ENTREP2: variants seen among roughly 807,000 people sequenced by gnomAD.
ENTREP2 encodes protein ENTREP2.
the ENTREP2 span, among the ~76,000 whole-genome samples, chr15:29,312,783 T>C: frequency 1.3e-5 from 2 of 152,130 alleles, no homozygotes; most frequent in Non-Finnish European, 2.9e-5. Context: ...TTAATAACTC[T>C]ACAATGGTCT....
the ENTREP2 span, among the ~76,000 whole-genome samples, chr15:29,425,719 G>A: frequency 2.2e-4 from 33 of 151,712 alleles, no homozygotes; most frequent in African/African-American, 8.0e-4. Context: ...TAATGATTTG[G>A]AAATTATATA....
the ENTREP2 span, among the ~76,000 whole-genome samples, chr15:29,425,192 G>GTT: frequency 1.4e-4 from 13 of 91,284 alleles, no homozygotes; most frequent in Admixed American, 5.8e-4. Flanking sequence ...CCACGTCCAG[G>GTT]TTTTTTGTTT....
the ENTREP2 span, among the ~76,000 whole-genome samples, chr15:29,581,958 T>C: frequency 6.6e-6 from 1 of 151,762 alleles, no homozygotes; most frequent in African/African-American, 2.4e-5. Context: ...TTTTTTTTTT[T>C]TTAGATAGAG....
chr15:29,377,823 A>AATAATAATAAT, the ENTREP2 span, among the ~76,000 whole-genome samples: 70 of 112,984 alleles, frequency 6.2e-4, no homozygotes, highest in African/African-American at 9.7e-4. Context: ...TCTGTCTCAA[A>AATAATAATAAT]AATAATAATA....
the ENTREP2 span, among the ~76,000 whole-genome samples, chr15:29,232,230 T>C: frequency 6.6e-6 from 1 of 152,088 alleles, no homozygotes; most frequent in Non-Finnish European, 1.5e-5. Context: ...CAAAGAAAGT[T>C]TTCTAATTGA....
the ENTREP2 span, among the ~76,000 whole-genome samples, chr15:29,422,286 A>G: frequency 1.3e-5 from 2 of 151,928 alleles, no homozygotes; most frequent in Admixed American, 6.6e-5. Flanking sequence ...AAAAGAAAAA[A>G]GAAAAAAAGA....
the ENTREP2 span, among the ~76,000 whole-genome samples, chr15:29,456,859 C>G: frequency 6.6e-6 from 1 of 152,144 alleles, no homozygotes; most frequent in East Asian, 1.9e-4. Context: ...GTGGACTCAT[C>G]AGTTACTTGG....
At chr15:29,178,967 G>T in the ENTREP2 span, among the ~76,000 whole-genome samples, 1 of 152,194 alleles carries the variant, frequency 6.6e-6, no homozygotes, top group African/African-American at 2.4e-5. Flanking sequence ...GTGATACTGA[G>T]CTATAAACTA....
the ENTREP2 span, among the ~76,000 whole-genome samples, chr15:29,334,032 G>A: frequency 6.6e-6 from 1 of 152,140 alleles, no homozygotes; most frequent in Non-Finnish European, 1.5e-5. Context: ...TCAGGGCCTC[G>A]AGAAGAAATC....
chr15:29,544,198 G>A, the ENTREP2 span, among the ~76,000 whole-genome samples: 1 of 152,138 alleles, frequency 6.6e-6, no homozygotes, highest in African/African-American at 2.4e-5. Context: ...TTTACTGTTA[G>A]GAACATTCTC....
At chr15:29,594,568 G>A in the ENTREP2 span, among the ~76,000 whole-genome samples, 10 of 152,132 alleles carry the variant, frequency 6.6e-5, no homozygotes, top group Non-Finnish European at 4.4e-5. Context: ...TGTACACGGT[G>A]GCCAGAACAT....
chr15:29,668,406 C>T, the ENTREP2 span, among the ~76,000 whole-genome samples: 1 of 152,188 alleles, frequency 6.6e-6, no homozygotes, highest in Non-Finnish European at 1.5e-5. Context: ...CAATTCCACT[C>T]CTAGGTATAC....
At chr15:29,575,120 C>G in the ENTREP2 span, among the ~76,000 whole-genome samples, 316 of 152,224 alleles carry the variant, frequency 2.1e-3, no homozygotes, top group African/African-American at 6.5e-3. Flanking sequence ...GGTGGGGACC[C>G]AGTAAACCAG....
At chr15:29,460,056 G>A in the ENTREP2 span, among the ~76,000 whole-genome samples, 2 of 152,082 alleles carry the variant, frequency 1.3e-5, no homozygotes, top group Non-Finnish European at 2.9e-5. Context: ...AGACCAGCCT[G>A]GGCAACACAG....
At chr15:29,378,569 G>A in the ENTREP2 span, among the ~76,000 whole-genome samples, 45,903 of 151,650 alleles carry the variant, frequency 0.3, 7,606 homozygotes, top group African/African-American at 0.45. Context: ...AGAAAATGAC[G>A]GACCTGCTAC....
chr15:29,591,109 A>G, the ENTREP2 span, among the ~76,000 whole-genome samples: 2 of 152,176 alleles, frequency 1.3e-5, no homozygotes. Flanking sequence ...TTCCTGAAAT[A>G]TTTAAAAAAA....
At chr15:29,572,614 A>G in the ENTREP2 span, among the ~76,000 whole-genome samples, 1 of 151,606 alleles carries the variant, frequency 6.6e-6, no homozygotes, top group African/African-American at 2.4e-5. Flanking sequence ...CCTTTAAGGG[A>G]TTCAGAGAGA....
At chr15:29,662,102 T>C in the ENTREP2 span, among the ~76,000 whole-genome samples, 2 of 146,480 alleles carry the variant, frequency 1.4e-5, no homozygotes, top group African/African-American at 5.1e-5. Flanking sequence ...TCCCTGCTAC[T>C]GGGGAGGCTG....
At chr15:29,236,858 G>A in the ENTREP2 span, among the ~76,000 whole-genome samples, 8 of 151,004 alleles carry the variant, frequency 5.3e-5, no homozygotes, top group African/African-American at 1.9e-4. Flanking sequence ...ACTGAAACCA[G>A]ACAAAGATAG....
Sources: allele counts gnomAD v4.1 joint callset (sites outside exome capture counted in the v4.1 genomes callset), GRCh38; gene constraint gnomAD v4.1.1; transcripts MANE v1.5; gene names NCBI Gene and HGNC (gene_info 2026-07-23, HGNC 2026-07-21).